Variants in LARP1 observed in about 807,000 individuals in gnomAD.
LARP1 encodes the protein La ribonucleoprotein 1, translational regulator, also known as la-related protein 1.
LARP1 carries 36 observed loss-of-function variants against 122.7 expected under a neutral mutation model. The observed-to-expected ratio is 0.29, with a 90% confidence interval of 0.22 to 0.39. LARP1 has a LOEUF of 0.39. Among genes scored for constraint, LARP1 ranks in the 10% least tolerant of loss-of-function variants. LARP1 has a pLI of 1.00. For missense variants in LARP1, 1,040 were observed against 1,403.6 expected (o/e 0.74, Z 4.14); for synonymous variants, 539 against 528.7 (o/e 1.02, Z -0.27).
chr5:154,779,386 A>G (rs1468021600), intron 1 of LARP1, among the ~76,000 whole-genome samples: 2 of 152,158 alleles, frequency 1.3e-5, no homozygotes, highest in Admixed American at 1.3e-4. Flanking sequence ...TACATCCAAG[A>G]ATGGACTCCA....
At chr5:154,709,604 T>C (rs1755117617), upstream of LARP1, among the ~76,000 whole-genome samples, 1 of 145,688 alleles carries the variant, frequency 6.9e-6, no homozygotes, top group Non-Finnish European at 1.5e-5. Context: ...TGAGATTTTT[T>C]TTTTTTTTTT....
At chr5:154,769,775 AAG>A (rs1206765263) in intron 1 of LARP1, among the ~76,000 whole-genome samples, 1 of 152,240 alleles carries the variant, frequency 6.6e-6, no homozygotes, top group African/African-American at 2.4e-5. Context: ...ATAAAGGAGA[AAG>A]ATGTGGCTAG....
chr5:154,747,819 G>A (rs142225200), intron 1 of LARP1, among the ~76,000 whole-genome samples: 4,517 of 152,212 alleles, frequency 0.03, 99 homozygotes, highest in East Asian at 0.071. Flanking sequence ...AGCCAAGATT[G>A]TGCCACTGCA....
chr5:154,729,396 A>G (rs1756420794), intron 1 of LARP1: 2 of 329,452 alleles, frequency 6.1e-6, no homozygotes, highest in South Asian at 3.1e-5. Flanking sequence ...AAATGTTACC[A>G]TGGCAAAACT....
intron 14 of LARP1, chr5:154,805,319 C>T (rs1424343211): frequency 1.4e-5 from 3 of 211,778 alleles, no homozygotes; most frequent in African/African-American, 7.1e-5. Flanking sequence ...GTTTAGCAGG[C>T]TGAGAAGGAG....
chr5:154,782,659 G>A (rs1050149055), intron 1 of LARP1, among the ~76,000 whole-genome samples: 4 of 152,196 alleles, frequency 2.6e-5, no homozygotes, highest in Admixed American at 2.0e-4. Flanking sequence ...GGGAACTCAA[G>A]ATGATCTGAC....
rs1403966374 is a variant in LARP1, at chr5:154,793,899, C to G, written c.968C>G (p.Ser323Trp). Residue 323 changes from serine to tryptophan, a missense_variant, in exon 6 of 19, where the codon TCG (serine) becomes TGG (tryptophan). Physicochemically the swap from Ser to Trp is radical, Grantham distance 177. This residue lies in a region of LARP1 where 178 missense variants were observed against 178.3 expected (regional missense o/e 1.00). Coordinates refer to ENST00000518297, the MANE Select transcript of LARP1 (RefSeq NM_033551.3). ...GCCTGGCACGACCAGGATGAGACATCGAGTGTGAAGAGTGATGGGGCTGGT... is the reference window on the plus strand; with the variant it reads ...GCCTGGCACGACCAGGATGAGACATGGAGTGTGAAGAGTGATGGGGCTGGT... ...EPAWHDQDET[S>W]SVKSDGAGGA... 2 of 1,614,112 alleles carry G rather than the reference C, an allele frequency of 1.2e-6. No homozygotes were observed. Among genetic ancestry groups the G allele is most frequent in the Admixed American group, 1.7e-5 (1 of 60,008 alleles).
chr5:154,767,045 C>T (rs1032523242), intron 1 of LARP1, among the ~76,000 whole-genome samples: 4 of 152,170 alleles, frequency 2.6e-5, no homozygotes, highest in Non-Finnish European at 5.9e-5. Flanking sequence ...GAAACTGCTC[C>T]CACTACAGTT....
In LARP1 at chr5:154,816,886, G is replaced by A. The variant is rs908824234; in HGVS notation, c.*2790G>A. 1.2e-4 allele frequency: 19 copies of A among 152,268 alleles called. No individual in the cohort carries two copies. Among genetic ancestry groups the A allele is most frequent in the African/African-American group, 4.3e-4 (18 of 41,462 alleles). The allele number at this position is 152,268 out of a possible 1,614,324, so 9.4% of individuals were successfully genotyped here. ...TCTCTTTAGCCCTCTTCCTGCACTTGGGAGCAAAGGCACTACCAGTAGAGA... is the reference window on the plus strand; with the variant it reads ...TCTCTTTAGCCCTCTTCCTGCACTTAGGAGCAAAGGCACTACCAGTAGAGA... On this transcript the variant is annotated 3_prime_UTR_variant, in exon 19 of 19. Transcript: ENST00000518297.
intron 1 of LARP1, among the ~76,000 whole-genome samples, chr5:154,743,325 T>TG (rs1753007190): frequency 6.6e-6 from 1 of 151,974 alleles, no homozygotes; most frequent in Admixed American, 6.6e-5. Flanking sequence ...TATTTTTTTT[T>TG]GAAATGGAAT....
intron 1 of LARP1, among the ~76,000 whole-genome samples, chr5:154,776,920 T>C (rs1193328067): frequency 7.2e-5 from 11 of 152,216 alleles, no homozygotes; most frequent in Non-Finnish European, 1.6e-4. Flanking sequence ...AATTTAAGTG[T>C]TTAATACATA....
intron 1 of LARP1, among the ~76,000 whole-genome samples, chr5:154,778,835 TAACA>T (rs749526539): frequency 2.6e-5 from 4 of 152,240 alleles, no homozygotes; most frequent in Admixed American, 2.0e-4. Context: ...TGTCCAGTTC[TAACA>T]AACTAAAAAT....
intron 1 of LARP1, among the ~76,000 whole-genome samples, chr5:154,691,366 C>G (rs1754199390): frequency 6.6e-6 from 1 of 152,202 alleles, no homozygotes; most frequent in African/African-American, 2.4e-5. Context: ...TTGGGCCAGT[C>G]GCTTCCCCTC....
At chr5:154,804,642 G>C (rs987206706) in intron 14 of LARP1, 3 of 404,258 alleles carry the variant, frequency 7.4e-6, no homozygotes, top group South Asian at 2.0e-5. Context: ...CAGTCTCTCT[G>C]AGCCTACTAT....
At chr5:154,706,295 A>AAATATAATAATAAT (rs1322933798) in intron 1 of LARP1, among the ~76,000 whole-genome samples, 1 of 142,692 alleles carries the variant, frequency 7.0e-6, no homozygotes, top group African/African-American at 2.6e-5. Flanking sequence ...CTTTGTCTCA[A>AAATATAATAATAAT]AATAATAATA....
At chr5:154,741,376 A>G (rs1047700743) in intron 1 of LARP1, among the ~76,000 whole-genome samples, 4 of 152,238 alleles carry the variant, frequency 2.6e-5, no homozygotes, top group African/African-American at 9.6e-5. Context: ...AAAGGTGAAT[A>G]AAATAGCCAC....
intron 1 of LARP1, among the ~76,000 whole-genome samples, chr5:154,788,430 A>G (rs1402343722): frequency 6.6e-6 from 1 of 152,168 alleles, no homozygotes; most frequent in Admixed American, 6.5e-5. Flanking sequence ...CCTCACAGTG[A>G]GGAGTCAGGC....
At chr5:154,786,579 C>G (rs1561602667) in intron 1 of LARP1, 1 of 434,754 alleles carries the variant, frequency 2.3e-6, no homozygotes, top group Non-Finnish European at 4.6e-6. Flanking sequence ...GACCTGTGGA[C>G]AGATAAGCTG....
intron 1 of LARP1, 192 bp downstream of exon 1, chr5:154,756,385 C>A: frequency 2.0e-6 from 2 of 991,432 alleles, no homozygotes; most frequent in Non-Finnish European, 2.4e-6. Context: ...CCTGCCCCTG[C>A]CCGAGGGCCC....
Sources: gnomAD v4.1 joint callset for allele counts (sites outside exome capture counted in the v4.1 genomes callset) on GRCh38, gnomAD v4.1.1 for gene constraint, gnomAD v4.1.1 regional missense constraint, MANE v1.5 for transcripts, NCBI Gene and HGNC (gene_info 2026-07-23, HGNC 2026-07-21) for gene names.